Variants in TMEM178B observed in about 807,000 individuals in gnomAD.
The protein encoded by TMEM178B is transmembrane protein 178B.
TMEM178B carries 5 observed loss-of-function variants against 31.0 expected under a neutral mutation model. That is an observed-to-expected ratio of 0.16 (90% CI 0.08 to 0.34). The LOEUF (loss-of-function observed/expected upper bound fraction) is 0.34. TMEM178B is among the 10% of genes least tolerant of loss of function. The pLI is 1.00. For synonymous variants in TMEM178B, 164 were observed against 164.0 expected (o/e 1.00, Z 0.00); for missense variants, 275 against 400.3 (o/e 0.69, Z 2.67).
intron 2 of TMEM178B, among the ~76,000 whole-genome samples, chr7:141,325,408 C>T (rs1338945693): frequency 6.6e-6 from 1 of 152,094 alleles, no homozygotes; most frequent in East Asian, 1.9e-4. Context: ...TGTCTGTCAC[C>T]CCAGGAGCTG....
intron 2 of TMEM178B, among the ~76,000 whole-genome samples, chr7:141,227,865 A>T (rs1369330071): frequency 1.3e-5 from 2 of 152,208 alleles, no homozygotes; most frequent in African/African-American, 4.8e-5. Context: ...CCCACTCTTT[A>T]AAGGATCGTA....
At chr7:141,128,021 C>T (rs1795528037) in intron 1 of TMEM178B, among the ~76,000 whole-genome samples, 2 of 152,134 alleles carry the variant, frequency 1.3e-5, no homozygotes, top group African/African-American at 4.8e-5. Context: ...GTGTGAATTC[C>T]AGTTCGCTGG....
At chr7:141,429,464 A>G (rs1801383008) in intron 2 of TMEM178B, among the ~76,000 whole-genome samples, 1 of 152,178 alleles carries the variant, frequency 6.6e-6, no homozygotes, top group South Asian at 2.1e-4. Context: ...GCATGATCTC[A>G]CTCATATGTG....
chr7:141,341,350 G>GT (rs1167225142), intron 2 of TMEM178B, among the ~76,000 whole-genome samples: 2 of 152,208 alleles, frequency 1.3e-5, no homozygotes, highest in Admixed American at 6.5e-5. Context: ...CCGGGAAGGT[G>GT]TGGGGAGGAA....
At position 141,344,620 on chromosome 7, in the gene TMEM178B, CT is replaced by C. The variant is rs1563157504; in HGVS notation, c.497-92986del. On this transcript the variant is annotated intron_variant, in intron 2 of 3. Coordinates refer to ENST00000565468, the MANE Select transcript of TMEM178B (RefSeq NM_001195278.2). This position sits in a 1 kb window ranked among gnomAD's most constrained non-coding sequence, Gnocchi z 4.1. ...CCTTCCTTCCTTCCTTCCTTCCTTC[CT>C]TCCTTCCTCCCTTCCTTCTTCCCTT... Among the ~76,000 whole-genome samples, 22 of 143,584 alleles carry C rather than the reference CT, an allele frequency of 1.5e-4. No homozygotes were observed. Among genetic ancestry groups the C allele is most frequent in the African/African-American group, 3.9e-4 (15 of 38,498 alleles). 94.2% of individuals were successfully genotyped at this position (143,584 alleles called of 152,430 possible). A position where few individuals can be genotyped will look rare whatever the true frequency, so the allele number is the denominator to read the frequency against.
chr7:141,432,391 G>A (rs1419138727), intron 2 of TMEM178B, among the ~76,000 whole-genome samples: 1 of 152,142 alleles, frequency 6.6e-6, no homozygotes, highest in Non-Finnish European at 1.5e-5. Context: ...CTGACCTCAG[G>A]TGATCTGCCT....
intron 1 of TMEM178B, among the ~76,000 whole-genome samples, chr7:141,168,387 T>G (rs879634312): frequency 1.3e-5 from 2 of 152,216 alleles, no homozygotes; most frequent in Non-Finnish European, 2.9e-5. Context: ...TCTGTTCTTG[T>G]GCACTTGGCA....
rs1293051216 is a variant in TMEM178B, at chr7:141,422,856, C to T, written c.497-14752C>T. 6.6e-6 allele frequency among the ~76,000 whole-genome samples: 1 copy of T among 152,032 alleles called. No individual in the cohort carries two copies. The highest frequency in any genetic ancestry group is 1.9e-4 in the East Asian group (1 of 5,174). The stretch of plus-strand genomic sequence containing the variant: ...CTTGTTATATGTAAACTGAAGGCGG[C>T]GAGAGCACTATGAGTTGCAGAACTA... On this transcript the variant is annotated intron_variant, in intron 2 of 3. Transcript: ENST00000565468. This position sits in a 1 kb window ranked among gnomAD's most constrained non-coding sequence, Gnocchi z 4.2.
In TMEM178B at chr7:141,223,479, C is replaced by CTTTTTTTTTTTTT. The variant is rs10680431; in HGVS notation, c.496+10780_496+10792dup. On this transcript the variant is annotated intron_variant, in intron 2 of 3. Transcript: ENST00000565468. Reference sequence around the variant, plus strand: ...GCTGATGTTCTCTGCTGTTTTCACTCTTTTTTTTTTTTTTTTTGTATTTCC... The same window carrying CTTTTTTTTTTTTT: ...GCTGATGTTCTCTGCTGTTTTCACTCTTTTTTTTTTTTTTTTTTTTTTTTTTTTTTGTATTTCC... Among the ~76,000 whole-genome samples, 240 of 131,102 alleles carry CTTTTTTTTTTTTT rather than the reference C, an allele frequency of 1.8e-3. 2 individuals are homozygous for CTTTTTTTTTTTTT. Among genetic ancestry groups the CTTTTTTTTTTTTT allele is most frequent in the African/African-American group, 7.0e-3 (230 of 33,038 alleles). The allele number at this position is 131,102 out of a possible 152,430, so 86.0% of individuals were successfully genotyped here.
intron 1 of TMEM178B, among the ~76,000 whole-genome samples, chr7:141,115,733 C>T (rs554852731): frequency 1.3e-5 from 2 of 152,294 alleles, no homozygotes; most frequent in African/African-American, 4.8e-5. Flanking sequence ...CAAAGAGTGA[C>T]CTTTCCAAGG....
chr7:141,491,554 T>C, the TMEM178B span, among the ~76,000 whole-genome samples: 3 of 152,240 alleles, frequency 2.0e-5, no homozygotes, highest in Non-Finnish European at 4.4e-5. Context: ...TTGGGCAGTT[T>C]GAAGTTTTCA....
intron 2 of TMEM178B, among the ~76,000 whole-genome samples, chr7:141,307,357 A>G (rs1319322829): frequency 1.3e-5 from 2 of 152,228 alleles, no homozygotes; most frequent in Admixed American, 6.5e-5. Context: ...TATTTTAGCA[A>G]TCTGTGAAGG....
chr7:141,143,945 T>G (rs1795813524), intron 1 of TMEM178B, among the ~76,000 whole-genome samples: 1 of 152,208 alleles, frequency 6.6e-6, no homozygotes, highest in South Asian at 2.1e-4. Context: ...TTTGGTTAGA[T>G]GTATTCCTAG....
At chr7:141,265,327 G>C (rs902302451) in intron 2 of TMEM178B, among the ~76,000 whole-genome samples, 3 of 152,070 alleles carry the variant, frequency 2.0e-5, no homozygotes, top group Non-Finnish European at 2.9e-5. Context: ...GGGTGGGAGA[G>C]GGCTGAGTTT....
At chr7:141,314,936 A>G (rs1050236650) in intron 2 of TMEM178B, among the ~76,000 whole-genome samples, 10 of 152,210 alleles carry the variant, frequency 6.6e-5, no homozygotes, top group South Asian at 4.1e-4. Context: ...AGGTATCACA[A>G]TCATATCACA....
intron 1 of TMEM178B, among the ~76,000 whole-genome samples, chr7:141,145,473 T>C (rs1000948143): frequency 1.3e-5 from 2 of 152,254 alleles, no homozygotes; most frequent in African/African-American, 4.8e-5. Context: ...GGGCTCCTTC[T>C]TTCTAGGAAC....
At chr7:141,403,276 C>T (rs1038186575) in intron 2 of TMEM178B, among the ~76,000 whole-genome samples, 1 of 152,212 alleles carries the variant, frequency 6.6e-6, no homozygotes, top group African/African-American at 2.4e-5. Flanking sequence ...CAGACCCTCT[C>T]TCTACTACTT....
At position 141,344,569 on chromosome 7, in the gene TMEM178B, CTCCTCCCTTCCT is replaced by C. The variant is rs1554478038; in HGVS notation, c.497-93034_497-93023del. Among the ~76,000 whole-genome samples, 2 of 142,214 alleles carry C rather than the reference CTCCTCCCTTCCT, an allele frequency of 1.4e-5. No individual in the cohort carries two copies. Among genetic ancestry groups the C allele is most frequent in the African/African-American group, 5.4e-5 (2 of 37,318 alleles). 93.3% of individuals were successfully genotyped at this position (142,214 alleles called of 152,430 possible). Reference sequence around the variant, plus strand: ...TCTCCCTCCCTCCCTCCATTCCTCCCTCCTCCCTTCCTTCCTTCCTTCCTTCCTTCCTTCCTT... The same window carrying C: ...TCTCCCTCCCTCCCTCCATTCCTCCCTCCTTCCTTCCTTCCTTCCTTCCTT... On this transcript the variant is annotated intron_variant, in intron 2 of 3. Coordinates refer to ENST00000565468, the MANE Select transcript of TMEM178B (RefSeq NM_001195278.2). This position sits in a 1 kb window ranked among gnomAD's most constrained non-coding sequence, Gnocchi z 4.1.
intron 1 of TMEM178B, among the ~76,000 whole-genome samples, chr7:141,107,158 A>G (rs1795160551): frequency 6.6e-6 from 1 of 152,210 alleles, no homozygotes. Context: ...GAGTATGCCC[A>G]GTGTGTTTGA....
Sources: allele counts gnomAD v4.1 joint callset (sites outside exome capture counted in the v4.1 genomes callset), GRCh38; gene constraint gnomAD v4.1.1; non-coding constraint Gnocchi (gnomAD v3.1); transcripts MANE v1.5; gene names NCBI Gene and HGNC (gene_info 2026-07-23, HGNC 2026-07-21).